RAMP1: variants seen among roughly 807,000 people sequenced by gnomAD.
RAMP1 encodes the protein receptor activity modifying protein 1.
RAMP1 carries 7 observed loss-of-function variants against 8.2 expected under a neutral mutation model. The observed-to-expected ratio is 0.85, with a 90% CI of 0.49 to 1.60. RAMP1 has a LOEUF of 1.60. Ranked by LOEUF, RAMP1 falls within the 40% of genes most tolerant of loss-of-function variation. RAMP1 has a pLI of 0.00. For synonymous variants in RAMP1, 92 were observed against 84.7 expected (o/e 1.09, Z -0.47); for missense variants, 192 against 202.4 (o/e 0.95, Z 0.31).
chr2:237,888,699 A>G (rs2062459839), intron 2 of RAMP1, among the ~76,000 whole-genome samples: 1 of 152,124 alleles, frequency 6.6e-6, no homozygotes, highest in African/African-American at 2.4e-5. Flanking sequence ...TTCACAGCAA[A>G]ATTGAGAGGA....
intron 2 of RAMP1, among the ~76,000 whole-genome samples, chr2:237,902,021 A>G (rs888527768): frequency 1.3e-5 from 2 of 152,100 alleles, no homozygotes; most frequent in African/African-American, 2.4e-5. Context: ...TAGGCATGGC[A>G]TGGGGGCCCT....
intron 2 of RAMP1, among the ~76,000 whole-genome samples, chr2:237,899,502 A>AT (rs1236900272): frequency 1.3e-5 from 2 of 152,148 alleles, no homozygotes; most frequent in African/African-American, 4.8e-5. Context: ...ATGACGGTAC[A>AT]TTTTTTTCCC....
chr2:237,861,768 T>C (rs964799427), intron 1 of RAMP1, among the ~76,000 whole-genome samples: 2 of 151,936 alleles, frequency 1.3e-5, no homozygotes, highest in Admixed American at 1.3e-4. Context: ...GGAGAATCGC[T>C]TGAACTCAGA....
intron 2 of RAMP1, among the ~76,000 whole-genome samples, chr2:237,900,282 C>T (rs77336138): frequency 0.023 from 3,522 of 152,276 alleles, 156 homozygotes; most frequent in African/African-American, 0.081. Context: ...GCCTCAGCCA[C>T]TCAAGTTAAC....
intron 2 of RAMP1, among the ~76,000 whole-genome samples, chr2:237,884,938 C>T (rs1465203490): frequency 6.6e-6 from 1 of 152,230 alleles, no homozygotes; most frequent in Non-Finnish European, 1.5e-5. Flanking sequence ...GGCTGCAGCC[C>T]AGCGTGGTAG....
intron 2 of RAMP1, among the ~76,000 whole-genome samples, chr2:237,896,188 T>C (rs2062540670): frequency 6.6e-6 from 1 of 152,202 alleles, no homozygotes; most frequent in African/African-American, 2.4e-5. Context: ...AAAACTGCAC[T>C]TCATTTGGCA....
chr2:237,860,766 C>A (rs2062126148), intron 1 of RAMP1, among the ~76,000 whole-genome samples: 1 of 152,190 alleles, frequency 6.6e-6, no homozygotes, highest in Non-Finnish European at 1.5e-5. Context: ...ACTGGGCAAG[C>A]AGGGACCACC....
In RAMP1 at chr2:237,911,960, C is replaced by T; in HGVS notation, c.*177C>T. 1 of 1,141,262 alleles carries T rather than the reference C, an allele frequency of 8.8e-7. No homozygotes were observed. Among genetic ancestry groups the T allele is most frequent in the Admixed American group, 2.9e-5 (1 of 34,494 alleles). 70.7% of individuals were successfully genotyped at this position (1,141,262 alleles called of 1,614,324 possible). ...CGAGGCTCTGGTATTAACCTGGAAG[C>T]CCCCCTGGCTGGAGGCCACCGCCAC... On this transcript the variant is annotated 3_prime_UTR_variant, in exon 3 of 3. Transcript: ENST00000254661.
chr2:237,870,668 A>T (rs1370999269), intron 1 of RAMP1, among the ~76,000 whole-genome samples: 1 of 152,184 alleles, frequency 6.6e-6, no homozygotes, highest in African/African-American at 2.4e-5. Context: ...CCGGTTGACA[A>T]TGTGTAGAGT....
Position 237,864,631 on chromosome 2 carries a change from C to A in RAMP1, c.52+4904C>A, listed in dbSNP as rs370647157. Among the ~76,000 whole-genome samples, 25 of 152,326 alleles carry A rather than the reference C, an allele frequency of 1.6e-4. No homozygotes were observed. The East Asian group carries it at 3.3e-3, about 20-fold the overall frequency. On this transcript the variant is annotated intron_variant, in intron 1 of 2. Transcript: ENST00000254661. ...ACCCAGGGTCAGGACTCGGAGGGGG[C>A]AAAGGACAGGGGTGCAGAGCAGCCT...
At chr2:237,876,447 C>A (rs1400558557) in intron 1 of RAMP1, among the ~76,000 whole-genome samples, 19 of 152,158 alleles carry the variant, frequency 1.2e-4, no homozygotes. Context: ...CTGGGGGTCC[C>A]CCCTGGGCAG....
At position 237,865,884 on chromosome 2, in the gene RAMP1, AGAGGCAGCGGCGAAAGCTGCCCTTAG is replaced by A. The variant is rs552897187; in HGVS notation, c.52+6167_52+6192del. Reference sequence around the variant, plus strand: ...GGCAGATGGCAGGGTCCTTTGCAGGAGAGGCAGCGGCGAAAGCTGCCCTTAGGAGGCAGCGAGGAGGTGAAACCAGA... The same window carrying A: ...GGCAGATGGCAGGGTCCTTTGCAGGAGAGGCAGCGAGGAGGTGAAACCAGA... On this transcript the variant is annotated intron_variant, in intron 1 of 2. Coordinates refer to ENST00000254661, the MANE Select transcript of RAMP1 (RefSeq NM_005855.4). This position sits in a 1 kb window ranked among gnomAD's most constrained non-coding sequence, Gnocchi z 4.2. Among the ~76,000 whole-genome samples the A allele has an allele frequency of 6.2e-4, 94 of 152,276 alleles. 1 individual carries two copies. The East Asian group carries it at 8.5e-3, about 14-fold the overall frequency.
At position 237,878,892 on chromosome 2, in the gene RAMP1, C is replaced by T. The variant is rs186612126; in HGVS notation, c.191+1530C>T. On this transcript the variant is annotated intron_variant, in intron 2 of 2. Coordinates refer to ENST00000254661, the MANE Select transcript of RAMP1 (RefSeq NM_005855.4). The surrounding 1 kb of genome is among the most constrained non-coding windows in gnomAD (Gnocchi z 5.7). ...CCCGAAGGTGGGAGGGCCAAAGTCA[C>T]GGCTCCAGCCTCAAAGGCCCCTGAT... is the stretch of plus-strand genomic sequence containing the variant. 1.7e-3 allele frequency among the ~76,000 whole-genome samples: 253 copies of T among 152,338 alleles called. 1 individual carries two copies. The highest frequency in any genetic ancestry group is 9.5e-3 in the East Asian group (49 of 5,184).
intron 2 of RAMP1, among the ~76,000 whole-genome samples, chr2:237,886,656 G>A (rs74002603): frequency 0.056 from 8,457 of 152,236 alleles, 782 homozygotes; most frequent in African/African-American, 0.19. Flanking sequence ...TTCTGGCCCT[G>A]GGGGAAGGCA....
chr2:237,905,528 C>T (rs138797637), intron 2 of RAMP1, among the ~76,000 whole-genome samples: 2 of 152,182 alleles, frequency 1.3e-5, no homozygotes, highest in African/African-American at 2.4e-5. Context: ...TTCCTGCATC[C>T]GCTCCTTCCT....
At chr2:237,882,849 CTG>C (rs1213256262) in intron 2 of RAMP1, among the ~76,000 whole-genome samples, 7 of 126,180 alleles carry the variant, frequency 5.5e-5, no homozygotes, top group Non-Finnish European at 8.2e-5. Context: ...GCAGGTGGCA[CTG>C]TGTCTGTTGG....
chr2:237,874,918 G>A (rs1576538375), intron 1 of RAMP1, among the ~76,000 whole-genome samples: 4 of 152,138 alleles, frequency 2.6e-5, no homozygotes, highest in Admixed American at 2.6e-4. Context: ...AGGATCAGCC[G>A]GGGGCCTCTT....
rs1291081670 is a variant in RAMP1, at chr2:237,865,562, C to T, written c.52+5835C>T. ...TGTCATTTGCTGCACCTGGCAGCCC[C>T]GTCCTCAGCAGCCACATGGGGTTCA... On this transcript the variant is annotated intron_variant, in intron 1 of 2. Transcript: ENST00000254661. This position sits in a 1 kb window ranked among gnomAD's most constrained non-coding sequence, Gnocchi z 4.2. Among the ~76,000 whole-genome samples the T allele has an allele frequency of 2.0e-5, 3 of 152,194 alleles. No homozygotes were observed. The highest frequency in any genetic ancestry group is 7.2e-5 in the African/African-American group (3 of 41,432).
Position 237,911,966 on chromosome 2 carries a change from T to G in RAMP1, c.*183T>G. ...TCTGGTATTAACCTGGAAGCCCCCCTGGCTGGAGGCCACCGCCACCCTAGG... is the reference window on the plus strand; with the variant it reads ...TCTGGTATTAACCTGGAAGCCCCCCGGGCTGGAGGCCACCGCCACCCTAGG... On this transcript the variant is annotated 3_prime_UTR_variant, in exon 3 of 3. Transcript: ENST00000254661. The G allele has an allele frequency of 9.5e-7, 1 of 1,050,432 alleles. No homozygotes were observed. The highest frequency in any genetic ancestry group is 1.3e-6 in the Non-Finnish European group (1 of 750,368). The allele number at this position is 1,050,432 out of a possible 1,614,324, so 65.1% of individuals were successfully genotyped here.
Sources: gnomAD v4.1 joint callset for allele counts (sites outside exome capture counted in the v4.1 genomes callset) on GRCh38, gnomAD v4.1.1 for gene constraint, Gnocchi (gnomAD v3.1) non-coding constraint, MANE v1.5 for transcripts, NCBI Gene and HGNC (gene_info 2026-07-23, HGNC 2026-07-21) for gene names.